Variants in SH3BP2 observed in about 807,000 individuals in gnomAD.
SH3BP2 encodes the protein SH3 domain-binding protein 2.
Under a neutral mutation model 56.2 loss-of-function variants are expected in SH3BP2, and 38 were observed. The observed-to-expected ratio is 0.68, with a 90% CI of 0.52 to 0.89. The LOEUF is 0.89. Ranked by LOEUF, SH3BP2 falls within the 40% of genes least tolerant of loss-of-function variation. The pLI is 0.00. For missense variants in SH3BP2, 748 were observed against 762.6 expected (o/e 0.98, Z 0.23); for synonymous variants, 346 against 316.7 (o/e 1.09, Z -0.98).
At chr4:2,807,047 G>A (rs1162551492) in intron 1 of SH3BP2, among the ~76,000 whole-genome samples, 2 of 152,246 alleles carry the variant, frequency 1.3e-5, no homozygotes, top group African/African-American at 4.8e-5. Flanking sequence ...GCACCGCTCT[G>A]TGAAGCCCCT....
intron 1 of SH3BP2, chr4:2,809,694 C>T: frequency 1.5e-6 from 1 of 664,786 alleles, no homozygotes. Context: ...CAGACACCAC[C>T]CACTGTGCTG....
rs1725391282 is a variant in SH3BP2 at position 2,840,635 on chromosome 4, C to T, written c.*6801C>T. 6.6e-6 allele frequency: 1 copy of T among 152,178 alleles called. No homozygotes were observed. Among genetic ancestry groups the T allele is most frequent in the African/African-American group, 2.4e-5 (1 of 41,436 alleles). 9.4% of individuals were successfully genotyped at this position (152,178 alleles called of 1,614,324 possible). ...GATCTGATAAAGTAAGTCTTTTCCACCTTATTTTTCTTCTTTGAGAGTGTC... is the reference window on the plus strand; with the variant it reads ...GATCTGATAAAGTAAGTCTTTTCCATCTTATTTTTCTTCTTTGAGAGTGTC... On this transcript the variant is annotated 3_prime_UTR_variant, in exon 13 of 13. Transcript: ENST00000503393.
In SH3BP2 at chr4:2,820,734, C is replaced by T. The variant is rs1724256365; in HGVS notation, c.117C>T (p.Thr39=). 4 of 1,613,852 alleles carry T rather than the reference C, an allele frequency of 2.5e-6. No homozygotes were observed. The highest frequency in any genetic ancestry group is 3.4e-6 in the Non-Finnish European group (4 of 1,179,802). ...GCTACCTGCACAAGAAGGGCGGTAC[C>T]CAGCTGCAGCTGCTGAAATGTGAGT... ...KAGYLHKKGG[T]QLQLLKWPLR... is the part of the protein sequence containing the mutation. The change falls in exon 2 of 13, where the codon ACC becomes ACT. Residue 39 remains threonine, a synonymous_variant. Coordinates refer to ENST00000503393, the MANE Select transcript of SH3BP2 (RefSeq NM_001122681.2).
intron 1 of SH3BP2, among the ~76,000 whole-genome samples, chr4:2,802,206 C>A (rs1486578504): frequency 6.6e-6 from 1 of 152,170 alleles, no homozygotes; most frequent in Non-Finnish European, 1.5e-5. Flanking sequence ...CAAGACCAGC[C>A]TGGCCAACAT....
chr4:2,795,081 G>C (rs959567058), intron 1 of SH3BP2, among the ~76,000 whole-genome samples: 11 of 152,208 alleles, frequency 7.2e-5, no homozygotes, highest in Admixed American at 5.9e-4. Context: ...TACCTGGTGG[G>C]TGGCTATGAG....
chr4:2,817,068 G>A (rs1392297838), intron 1 of SH3BP2, among the ~76,000 whole-genome samples: 2 of 152,236 alleles, frequency 1.3e-5, no homozygotes, highest in Admixed American at 6.5e-5. Context: ...CAGGGGCTGA[G>A]GCCTGCAAGT....
At position 2,838,550 on chromosome 4, in the gene SH3BP2, T is replaced by C. The variant is rs982696100; in HGVS notation, c.*4716T>C. The C allele has an allele frequency of 3.3e-5, 5 of 152,256 alleles. No homozygotes were observed. The highest frequency in any genetic ancestry group is 4.8e-5 in the African/African-American group (2 of 41,468). The allele number at this position is 152,256 out of a possible 1,614,324, so 9.4% of individuals were successfully genotyped here. A position where few individuals can be genotyped will look rare whatever the true frequency, so the allele number is the denominator to read the frequency against. The stretch of plus-strand genomic sequence containing the variant: ...GATTCATTTCACTGTCAGTCAAGCT[T>C]GTCCAATGCATGCAGCCCAGGATGC... On this transcript the variant is annotated 3_prime_UTR_variant, in exon 13 of 13. Transcript: ENST00000503393.
At chr4:2,802,105 CA>C (rs200698928) in intron 1 of SH3BP2, among the ~76,000 whole-genome samples, 4 of 147,232 alleles carry the variant, frequency 2.7e-5, no homozygotes, top group South Asian at 2.2e-4. Context: ...GACCTGATCT[CA>C]AAAAAAAAGG....
At chr4:2,801,923 C>T (rs997695594) in intron 1 of SH3BP2, among the ~76,000 whole-genome samples, 1 of 152,018 alleles carries the variant, frequency 6.6e-6, no homozygotes, top group Non-Finnish European at 1.5e-5. Context: ...GCCTGACCAC[C>T]GTGGTGAAAC....
intron 1 of SH3BP2, among the ~76,000 whole-genome samples, chr4:2,793,957 C>G (rs981231982): frequency 2.0e-5 from 3 of 152,196 alleles, no homozygotes; most frequent in Admixed American, 6.5e-5. Flanking sequence ...CTGTGGGGAG[C>G]CTTCTGCTGG....
At chr4:2,808,108 T>G (rs576229155) in intron 1 of SH3BP2, among the ~76,000 whole-genome samples, 1 of 57,942 alleles carries the variant, frequency 1.7e-5, no homozygotes, top group East Asian at 2.9e-4. Context: ...ACAACAGAAA[T>G]TTACTCTCAT....
chr4:2,815,700 G>C (rs920279528), intron 1 of SH3BP2, among the ~76,000 whole-genome samples: 111 of 152,358 alleles, frequency 7.3e-4, no homozygotes, highest in African/African-American at 2.6e-3. Flanking sequence ...CCCCAGGGTA[G>C]GGGCTCTGTT....
rs1011146506 is a variant in SH3BP2, at chr4:2,816,133, C to T, written c.-4-4481C>T. On this transcript the variant is annotated intron_variant, in intron 1 of 12. Transcript: ENST00000503393. ...GCAATGGCGCAATCTCGGCTCACTG[C>T]TACCTCCACCTCCCGGGTTCAAGCG... Among the ~76,000 whole-genome samples, 21 of 152,122 alleles carry T rather than the reference C, an allele frequency of 1.4e-4. No homozygotes were observed. In the East Asian group the frequency reaches 3.7e-3, roughly 27 times the overall value.
chr4:2,801,494 C>T (rs1577336104), intron 1 of SH3BP2, among the ~76,000 whole-genome samples: 1 of 152,224 alleles, frequency 6.6e-6, no homozygotes, highest in Non-Finnish European at 1.5e-5. Flanking sequence ...CTGGGCCTGC[C>T]TGCATCTCCC....
rs886059359 is a variant in SH3BP2, at chr4:2,833,962, T to C, written c.*128T>C. On this transcript the variant is annotated 3_prime_UTR_variant, in exon 13 of 13. Transcript: ENST00000503393. ...CTGTGCTTGCCTAGGGCCTCTGTGA[T>C]GGACATCTCGTAGGACCCAGCCAGT... 21 of 1,157,222 alleles carry C rather than the reference T, an allele frequency of 1.8e-5. No homozygotes were observed. In the East Asian group the frequency reaches 2.8e-4, roughly 16 times the overall value. 71.7% of individuals were successfully genotyped at this position (1,157,222 alleles called of 1,614,324 possible).
In SH3BP2 at chr4:2,796,535, TG is replaced by T. The variant is rs900017894; in HGVS notation, c.-5+3400del. 5 of 908,742 alleles carry T rather than the reference TG, an allele frequency of 5.5e-6. No individual in the cohort carries two copies. The African/African-American group carries it at 9.0e-5, about 16-fold the overall frequency. The allele number at this position is 908,742 out of a possible 1,614,324, so 56.3% of individuals were successfully genotyped here. A position where few individuals can be genotyped will look rare whatever the true frequency, so the allele number is the denominator to read the frequency against. ...TGGTCCATCTTTGTCAGCTGGCCTC[TG>T]GGAAGAATGTGGGCTCGGCCACCTG... is the stretch of plus-strand genomic sequence containing the variant. On this transcript the variant is annotated intron_variant, in intron 1 of 12. Coordinates refer to ENST00000503393, the MANE Select transcript of SH3BP2 (RefSeq NM_001122681.2).
In SH3BP2 at chr4:2,838,929, ATTG is replaced by A. The variant is rs1725326659; in HGVS notation, c.*5098_*5100del. On this transcript the variant is annotated 3_prime_UTR_variant, in exon 13 of 13. Transcript: ENST00000503393. ...CTAGGGTATGAAGATCTTTCTAAAT[ATTG>A]TTCTAGTTTACGTGCCCACCAGCAG... is the stretch of plus-strand genomic sequence containing the variant. The A allele has an allele frequency of 1.3e-5, 2 of 152,182 alleles. No individual in the cohort carries two copies. The highest frequency in any genetic ancestry group is 6.5e-5 in the Admixed American group (1 of 15,280). 9.4% of individuals were successfully genotyped at this position (152,182 alleles called of 1,614,324 possible).
At chr4:2,798,202 G>A (rs13103393) in intron 1 of SH3BP2, among the ~76,000 whole-genome samples, 4 of 152,100 alleles carry the variant, frequency 2.6e-5, no homozygotes, top group Middle Eastern at 6.8e-3. Context: ...GCCGCCGAGC[G>A]GAGTCGGTGT....
chr4:2,828,144 G>A (rs561148562), intron 7 of SH3BP2, among the ~76,000 whole-genome samples: 3 of 151,942 alleles, frequency 2.0e-5, no homozygotes, highest in African/African-American at 7.2e-5. Flanking sequence ...ACACGTGGAT[G>A]ACGGAAGCAC....
Sources: allele counts gnomAD v4.1 joint callset (sites outside exome capture counted in the v4.1 genomes callset), GRCh38; gene constraint gnomAD v4.1.1; transcripts MANE v1.5; gene names NCBI Gene and HGNC (gene_info 2026-07-23, HGNC 2026-07-21).